LYPLA1: variants seen among roughly 807,000 people sequenced by gnomAD.
LYPLA1 encodes acyl-protein thioesterase 1.
Under a neutral mutation model 34.0 loss-of-function variants are expected in LYPLA1, and 17 were observed. The ratio of observed to expected loss-of-function variants is 0.50; its 90% CI spans 0.34 to 0.75. The LOEUF (loss-of-function observed/expected upper bound fraction) is 0.75. LYPLA1 is among the 30% of genes least tolerant of loss of function. LYPLA1 has a pLI of 0.01. For synonymous variants in LYPLA1, 98 were observed against 100.8 expected (o/e 0.97, Z 0.17); for missense variants, 203 against 288.8 (o/e 0.70, Z 2.15).
intron 2 of LYPLA1, among the ~76,000 whole-genome samples, chr8:54,081,507 G>A (rs1194423210): frequency 6.6e-6 from 1 of 151,634 alleles, no homozygotes; most frequent in Non-Finnish European, 1.5e-5. Flanking sequence ...ATGGAGTGCA[G>A]CCTGTAATCT....
At position 54,047,846 on chromosome 8, in the gene LYPLA1, T is replaced by C. The variant is rs1188703636; in HGVS notation, c.*219A>G. 7 of 401,760 alleles carry C rather than the reference T, an allele frequency of 1.7e-5. No individual in the cohort carries two copies. The highest frequency in any genetic ancestry group is 2.6e-5 in the Non-Finnish European group (6 of 226,818). 24.9% of individuals were successfully genotyped at this position (401,760 alleles called of 1,614,324 possible). On this transcript the variant is annotated 3_prime_UTR_variant, in exon 9 of 9. Transcript: ENST00000316963. Reference sequence around the variant, plus strand: ...GCTACCTGCTTCATCTATTCTAATATAGTAGATCCTGGGTCGTCTTATAAG... The same window carrying C: ...GCTACCTGCTTCATCTATTCTAATACAGTAGATCCTGGGTCGTCTTATAAG...
Position 54,094,176 on chromosome 8 carries a change from A to C in LYPLA1, c.101+6732T>G, listed in dbSNP as rs531535174. 3.3e-5 allele frequency among the ~76,000 whole-genome samples: 5 copies of C among 152,346 alleles called. No homozygotes were observed. The South Asian group carries it at 1.0e-3, about 32-fold the overall frequency. ...ACTTTTATAATCTCCTTGGTCTAGG[A>C]AATGTCACAGGGACTGGTAATACAG... On this transcript the variant is annotated intron_variant, in intron 2 of 8. Transcript: ENST00000316963.
chr8:54,072,934 C>CAAAAAAAAAA (rs59257354), intron 2 of LYPLA1, among the ~76,000 whole-genome samples: 2 of 91,718 alleles, frequency 2.2e-5, no homozygotes, highest in African/African-American at 3.2e-5. Context: ...AAGACTGAAT[C>CAAAAAAAAAA]AAAAAAAAAA....
At chr8:54,078,195 G>A (rs1449651457) in intron 2 of LYPLA1, among the ~76,000 whole-genome samples, 2 of 152,004 alleles carry the variant, frequency 1.3e-5, no homozygotes, top group East Asian at 3.9e-4. Flanking sequence ...CAAGTGATCT[G>A]CCCTCCTCAG....
chr8:54,072,963 T>G (rs1348602956), intron 2 of LYPLA1, among the ~76,000 whole-genome samples: 19 of 147,848 alleles, frequency 1.3e-4, no homozygotes, highest in African/African-American at 4.7e-4. Flanking sequence ...GACATACATG[T>G]GGCCAACAAG....
intron 2 of LYPLA1, among the ~76,000 whole-genome samples, chr8:54,092,942 A>T (rs2129367114): frequency 6.6e-6 from 1 of 152,328 alleles, no homozygotes; most frequent in South Asian, 2.1e-4. Context: ...CTGGGTTTGT[A>T]AAAGAAACAC....
intron 2 of LYPLA1, among the ~76,000 whole-genome samples, chr8:54,084,124 G>GGAAAAAAAAAAAAAAAAAAAAAAA (rs1554547911): frequency 1.8e-5 from 1 of 56,378 alleles, no homozygotes; most frequent in African/African-American, 8.9e-5. Flanking sequence ...GGAGACCAAA[G>GGAAAAAAAAAAAAAAAAAAAAAAA]AAAAAAAAAA....
chr8:54,055,938 G>A (rs1806178198), intron 5 of LYPLA1, among the ~76,000 whole-genome samples: 1 of 152,094 alleles, frequency 6.6e-6, no homozygotes, highest in Non-Finnish European at 1.5e-5. Context: ...ACCGTGCCTA[G>A]CCCCCTAAAA....
intron 2 of LYPLA1, among the ~76,000 whole-genome samples, chr8:54,094,297 G>A (rs1038521415): frequency 1.3e-5 from 2 of 152,096 alleles, no homozygotes; most frequent in African/African-American, 4.8e-5. Flanking sequence ...CCTCCTCCTC[G>A]TTTCCCCTTA....
intron 2 of LYPLA1, among the ~76,000 whole-genome samples, chr8:54,096,956 C>T (rs1563676288): frequency 6.6e-6 from 1 of 151,758 alleles, no homozygotes; most frequent in Non-Finnish European, 1.5e-5. Flanking sequence ...AAATCTGAGT[C>T]CATACTAACT....
At chr8:54,059,555 CG>C (rs1254691974) in intron 5 of LYPLA1, among the ~76,000 whole-genome samples, 1 of 73,414 alleles carries the variant, frequency 1.4e-5, no homozygotes, top group African/African-American at 1.3e-4. Context: ...CCACCCGCCT[CG>C]GCCTCCCAAA....
chr8:54,101,667 A>ACGCGCCCGCAACGCCCACCC (rs1810169349), intron 1 of LYPLA1, 88 bp downstream of exon 1: 1 of 1,175,250 alleles, frequency 8.5e-7, no homozygotes, highest in Admixed American at 4.5e-5. Flanking sequence ...GCAGGCCGCC[A>ACGCGCCCGCAACGCCCACCC]CGCGCCCGCA....
At chr8:54,084,667 AAAAC>A (rs1381526575) in intron 2 of LYPLA1, among the ~76,000 whole-genome samples, 1 of 152,238 alleles carries the variant, frequency 6.6e-6, no homozygotes, top group Non-Finnish European at 1.5e-5. Flanking sequence ...CCAAAGAAAA[AAAAC>A]AGAGAAGACT....
chr8:54,058,394 C>T (rs551066063), intron 5 of LYPLA1, among the ~76,000 whole-genome samples: 3 of 152,082 alleles, frequency 2.0e-5, no homozygotes, highest in Non-Finnish European at 2.9e-5. Context: ...AAATACAAAA[C>T]GTAGCCGGGC....
intron 2 of LYPLA1, among the ~76,000 whole-genome samples, chr8:54,082,782 A>G (rs1344175578): frequency 6.6e-6 from 1 of 152,128 alleles, no homozygotes; most frequent in Admixed American, 6.5e-5. Context: ...GCTAGAGTGC[A>G]GTGGCGCGAT....
At chr8:54,060,012 G>A (rs900495597) in intron 5 of LYPLA1, among the ~76,000 whole-genome samples, 5 of 152,068 alleles carry the variant, frequency 3.3e-5, no homozygotes, top group African/African-American at 9.7e-5. Flanking sequence ...ACACTCAAGA[G>A]TCACCAACCA....
chr8:54,101,432 A>G, intron 1 of LYPLA1: 4 of 1,081,606 alleles, frequency 3.7e-6, no homozygotes, highest in Non-Finnish European at 4.5e-6. Flanking sequence ...TGGCGGACTT[A>G]GGTTTCCCTC....
rs186231218 is a variant in LYPLA1 at position 54,048,514 on chromosome 8, A to C, written c.640-396T>G. 8.3e-4 allele frequency among the ~76,000 whole-genome samples: 127 copies of C among 152,350 alleles called. 1 individual carries two copies. The highest frequency in any genetic ancestry group is 8.2e-3 in the Admixed American group (125 of 15,296). ...AAACTGAATTATGCGCTAAATCCAT[A>C]GCATTAACTATGCTGTGTCTTTCAT... On this transcript the variant is annotated intron_variant, in intron 8 of 8. Transcript: ENST00000316963.
At chr8:54,091,653 A>G (rs921802987) in intron 2 of LYPLA1, among the ~76,000 whole-genome samples, 1 of 152,080 alleles carries the variant, frequency 6.6e-6, no homozygotes, top group African/African-American at 2.4e-5. Flanking sequence ...TTATATGAGA[A>G]AAAGAAATAG....
Sources: allele counts gnomAD v4.1 joint callset (sites outside exome capture counted in the v4.1 genomes callset), GRCh38; gene constraint gnomAD v4.1.1; transcripts MANE v1.5; gene names NCBI Gene and HGNC (gene_info 2026-07-23, HGNC 2026-07-21).